Variants in RAD23A observed in about 807,000 individuals in gnomAD.
RAD23A encodes the protein RAD23 nucleotide excision repair protein A.
In RAD23A, 16 loss-of-function variants were observed where a neutral mutation model predicts 44.8. The observed-to-expected ratio is 0.36, with a 90% confidence interval of 0.24 to 0.54. The LOEUF (loss-of-function observed/expected upper bound fraction) is 0.54. Among genes scored for constraint, RAD23A ranks in the 20% least tolerant of loss-of-function variants. The pLI, the probability that RAD23A is intolerant of heterozygous loss-of-function variation, is 0.89. For synonymous variants in RAD23A, 217 were observed against 202.9 expected (o/e 1.07, Z -0.59); for missense variants, 380 against 483.3 (o/e 0.79, Z 2.00).
At chr19:12,950,493 C>T (rs1971780517) in intron 7 of RAD23A, among the ~76,000 whole-genome samples, 2 of 152,124 alleles carry the variant, frequency 1.3e-5, no homozygotes, top group African/African-American at 4.8e-5. Context: ...CAACCTCCGC[C>T]TCCCGGGTTC....
intron 7 of RAD23A, among the ~76,000 whole-genome samples, chr19:12,950,671 A>G (rs1034651611): frequency 3.3e-5 from 5 of 152,132 alleles, no homozygotes; most frequent in South Asian, 2.1e-4. Context: ...AAAGTGCTGC[A>G]ATTACAGGCA....
intron 7 of RAD23A, among the ~76,000 whole-genome samples, chr19:12,949,802 G>C (rs1051687772): frequency 2.0e-5 from 3 of 152,106 alleles, no homozygotes; most frequent in African/African-American, 7.2e-5. Flanking sequence ...CAGGACAGCT[G>C]TGCCCCAGTT....
At chr19:12,949,601 TGTG>T in intron 7 of RAD23A, 193 bp downstream of exon 7, 2 of 669,484 alleles carry the variant, frequency 3.0e-6, no homozygotes, top group Non-Finnish European at 5.0e-6. Flanking sequence ...CCTTGTAAGG[TGTG>T]GGTGCTGTCA....
At position 12,952,677 on chromosome 19, in the gene RAD23A, C is replaced by T. The variant is rs1194120369; in HGVS notation, c.814-12C>T. ...CTGTGAATTACCTTCCCTTCCCCAC[C>T]CTCTCCTGCAGCAAATCAGCCGGCA... On this transcript the variant is annotated splice_polypyrimidine_tract_variant and intron_variant, in intron 7 of 8. Transcript: ENST00000586534. 2 of 1,604,556 alleles carry T rather than the reference C, an allele frequency of 1.2e-6. No homozygotes were observed. The highest frequency in any genetic ancestry group is 2.7e-5 in the African/African-American group (2 of 74,642).
In RAD23A at chr19:12,948,204, C is replaced by G; in HGVS notation, c.262C>G (p.Pro88Ala). ...KTKAGQGTSAPPEASPTAAPE... is the reference protein window; with the variant it reads ...KTKAGQGTSAAPEASPTAAPE... ...CAAAGCCGGCCAGGGTACCTCAGCA[C>G]CCCCAGAGGCCTCACCCACAGCTGC... Residue 88 changes from proline to alanine, a missense_variant, in exon 3 of 9, where the codon CCC becomes GCC. Coordinates refer to ENST00000586534, the MANE Select transcript of RAD23A (RefSeq NM_005053.4). The surrounding 1 kb of genome is among the most constrained non-coding windows in gnomAD (Gnocchi z 5.5). 1 of 1,614,062 alleles carries G rather than the reference C, an allele frequency of 6.2e-7. No homozygotes were observed.
At chr19:12,946,083 G>GGGGGGGGGGC in intron 1 of RAD23A, 63 bp downstream of exon 1, 2 of 851,942 alleles carry the variant, frequency 2.3e-6, no homozygotes, top group Non-Finnish European at 1.8e-6. Flanking sequence ...GTGGGGGCGG[G>GGGGGGGGGGC]GAGGCTAGAA....
At chr19:12,946,695 A>G in intron 1 of RAD23A, among the ~76,000 whole-genome samples, 1 of 152,206 alleles carries the variant, frequency 6.6e-6, no homozygotes. Context: ...CGTCCACGAT[A>G]TAAATATTAT....
At position 12,948,523 on chromosome 19, in the gene RAD23A, G is replaced by A; in HGVS notation, c.443G>A (p.Gly148Glu). 1 of 1,595,832 alleles carries A rather than the reference G, an allele frequency of 6.3e-7. No homozygotes were observed. Among genetic ancestry groups the A allele is most frequent in the Non-Finnish European group, 8.5e-7 (1 of 1,170,758 alleles). The change falls in exon 4 of 9, where the codon GGG (glycine) becomes GAG (glutamate). Residue 148 changes from glycine (G) to glutamate (E), a missense_variant. Coordinates refer to ENST00000586534, the MANE Select transcript of RAD23A (RefSeq NM_005053.4). This position sits in a 1 kb window ranked among gnomAD's most constrained non-coding sequence, Gnocchi z 5.5. ...TCTGTTCCCTCTTCAGGTAGCAGCG[G>A]GCGAGAGGAAGACGCGGCCTCCACG... ...SGSVPSSGSS[G>E]REEDAASTLV...
chr19:12,949,358 C>T lies in RAD23A; in HGVS notation c.763C>T (p.Leu255=). 4 of 1,614,084 alleles carry T rather than the reference C, an allele frequency of 2.5e-6. No homozygotes were observed. The highest frequency in any genetic ancestry group is 3.4e-6 in the Non-Finnish European group (4 of 1,179,936). The change falls in exon 7 of 9, where the codon CTG becomes TTG. Residue 255 remains leucine (L), a synonymous_variant. Transcript: ENST00000586534. ...GGTGATTCAGCAGAACCCTGCGCTG[C>T]TGCCCGCCCTGCTCCAGCAGCTGGG... ...RQVIQQNPAL[L]PALLQQLGQE...
At position 12,952,160 on chromosome 19, in the gene RAD23A, A is replaced by C. The variant is rs1176226355; in HGVS notation, c.814-529A>C. On this transcript the variant is annotated intron_variant, in intron 7 of 8. Coordinates refer to ENST00000586534, the MANE Select transcript of RAD23A (RefSeq NM_005053.4). ...CTGGTCTCGAACTCCAGGCTGGTCT[A>C]GAATCACCTGAAGTGATTATAGGTG... Among the ~76,000 whole-genome samples, 5 of 151,342 alleles carry C rather than the reference A, an allele frequency of 3.3e-5. No homozygotes were observed. The East Asian group carries it at 5.9e-4, about 18-fold the overall frequency.
chr19:12,946,139 A>C (rs1971666226), intron 1 of RAD23A, 119 bp downstream of exon 1: 6 of 994,734 alleles, frequency 6.0e-6, no homozygotes, highest in Non-Finnish European at 7.2e-6. Flanking sequence ...GGCCCTGCCC[A>C]GACCCCCGAC....
At position 12,952,733 on chromosome 19, in the gene RAD23A, G is replaced by T; in HGVS notation, c.858G>T (p.Glu286Asp). Residue 286 changes from glutamate to aspartate, a missense_variant, in exon 8 of 9, where the codon GAG becomes GAT. Around this residue, in one of 3 missense-constraint regions of RAD23A, gnomAD observed 279 missense variants for 313.7 expected, o/e 0.89. Transcript: ENST00000586534. Reference sequence around the variant, plus strand: ...AGCAGTTCATCCAGATGCTGAACGAGCCCCCTGGGGAGCTGGCGGACATCT... The same window carrying T: ...AGCAGTTCATCCAGATGCTGAACGATCCCCCTGGGGAGCTGGCGGACATCT... ...HQEQFIQMLN[E>D]PPGELADISD... 1.9e-6 allele frequency: 3 copies of T among 1,612,832 alleles called. No individual in the cohort carries two copies. The East Asian group carries it at 6.7e-5, about 36-fold the overall frequency.
chr19:12,952,068 C>A (rs1971827345), intron 7 of RAD23A, among the ~76,000 whole-genome samples: 1 of 152,144 alleles, frequency 6.6e-6, no homozygotes, highest in Non-Finnish European at 1.5e-5. Flanking sequence ...GGATTACAGG[C>A]ACGTGCCATC....
intron 7 of RAD23A, 148 bp downstream of exon 7, chr19:12,949,556 T>G: frequency 9.0e-7 from 1 of 1,108,566 alleles, no homozygotes; most frequent in Non-Finnish European, 1.3e-6. Context: ...TCCTGTGACC[T>G]GGTGACCCCC....
chr19:12,949,048 C>A (rs2146035785), intron 5 of RAD23A, 33 bp from the exon 6 acceptor site: 1 of 1,598,142 alleles, frequency 6.3e-7, no homozygotes, highest in Non-Finnish European at 8.5e-7. Flanking sequence ...AGCAGGAGGT[C>A]TGTGCATTAG....
chr19:12,946,055 A>AGGGG, intron 1 of RAD23A, 35 bp downstream of exon 1: 10 of 268,068 alleles, frequency 3.7e-5, no homozygotes, highest in South Asian at 1.9e-4. Context: ...GGCGGGAGCG[A>AGGGG]CGGGTTTCGG....
At chr19:12,949,504 G>A (rs532567895) in intron 7 of RAD23A, 96 bp downstream of exon 7, 4 of 1,519,734 alleles carry the variant, frequency 2.6e-6, no homozygotes, top group Non-Finnish European at 2.7e-6. Context: ...TCTAGGTCCG[G>A]AAAGCAGGAC....
chr19:12,948,881 C>T lies in RAD23A; in HGVS notation c.600+68C>T, dbSNP rs1434637255. On this transcript the variant is annotated intron_variant, in intron 5 of 8. Coordinates refer to ENST00000586534, the MANE Select transcript of RAD23A (RefSeq NM_005053.4). The surrounding 1 kb of genome is among the most constrained non-coding windows in gnomAD (Gnocchi z 5.5). The stretch of plus-strand genomic sequence containing the variant: ...ACCCGGGCGTCACTGCCCTGATGGG[C>T]GGTTGGGAAGGCAAAACCTGCCCTG... The T allele has an allele frequency of 1.2e-5, 18 of 1,554,904 alleles. No individual in the cohort carries two copies. Among genetic ancestry groups the T allele is most frequent in the East Asian group, 2.3e-5 (1 of 44,416 alleles).
At position 12,949,522 on chromosome 19, in the gene RAD23A, A is replaced by T. The variant is rs988915435; in HGVS notation, c.813+114A>T. On this transcript the variant is annotated intron_variant, in intron 7 of 8. Transcript: ENST00000586534. ...AGGTCCGGAAAGCAGGACTAAGCAC[A>T]TGCTTCCCCCACGCCCCTGTGCTTC... 3.6e-6 allele frequency: 5 copies of T among 1,405,638 alleles called. No homozygotes were observed. In the African/African-American group the frequency reaches 7.2e-5, roughly 20 times the overall value. The allele number at this position is 1,405,638 out of a possible 1,614,324, so 87.1% of individuals were successfully genotyped here. A position where few individuals can be genotyped will look rare whatever the true frequency, so the allele number is the denominator to read the frequency against.
Sources: allele counts gnomAD v4.1 joint callset (sites outside exome capture counted in the v4.1 genomes callset), GRCh38; gene constraint gnomAD v4.1.1; regional missense constraint gnomAD v4.1.1; non-coding constraint Gnocchi (gnomAD v3.1); transcripts MANE v1.5; gene names NCBI Gene and HGNC (gene_info 2026-07-23, HGNC 2026-07-21).